FGF12: variants seen among roughly 807,000 people sequenced by gnomAD.
The protein encoded by FGF12 is fibroblast growth factor 12B.
A neutral mutation model predicts 23.6 loss-of-function variants in FGF12; 14 were observed. The ratio of observed to expected loss-of-function variants is 0.59; its 90% CI spans 0.39 to 0.93. The LOEUF is 0.93. FGF12 is among the 40% of genes least tolerant of loss of function. The probability of loss-of-function intolerance (pLI) is 0.00; values close to 1 mark genes in which losing one functional copy is unlikely to be tolerated. For missense variants in FGF12, 175 were observed against 217.8 expected, an observed-to-expected ratio of 0.80 and a Z score of 1.24; for synonymous variants, 62 against 77.3, an observed-to-expected ratio of 0.80 and a Z score of 1.04.
At chr3:192,170,031 T>C (rs1230795456) in intron 5 of FGF12, among the ~76,000 whole-genome samples, 1 of 139,892 alleles carries the variant, frequency 7.1e-6, no homozygotes, top group Non-Finnish European at 1.6e-5. Context: ...AGGAGGAAAC[T>C]GCATACTAGA....
In FGF12 at chr3:192,167,768, TAA is replaced by T. The variant is rs1216698985; in HGVS notation, c.427+2688_427+2689del. 2.5e-3 allele frequency among the ~76,000 whole-genome samples: 65 copies of T among 25,684 alleles called. 1 individual carries two copies. Among genetic ancestry groups the T allele is most frequent in the East Asian group, 6.1e-3 (6 of 988 alleles). The allele number at this position is 25,684 out of a possible 152,430, so 16.8% of individuals were successfully genotyped here. On this transcript the variant is annotated intron_variant, in intron 5 of 5. Coordinates refer to ENST00000445105, the MANE Select transcript of FGF12 (RefSeq NM_004113.6). ...ATATATATATATATATATATATATA[TAA>T]AATTTTTTTTTTTTTTTTTTTTTGA...
At chr3:192,298,684 TTGCAGTGAGCTATCG>T (rs1715175820) in intron 4 of FGF12, among the ~76,000 whole-genome samples, 1 of 152,042 alleles carries the variant, frequency 6.6e-6, no homozygotes, top group Non-Finnish European at 1.5e-5. Flanking sequence ...GAGGTGGAGG[TTGCAGTGAGCTATCG>T]TGCCACTGCA....
chr3:192,663,729 T>C (rs1560186457), intron 2 of FGF12, among the ~76,000 whole-genome samples: 1 of 152,066 alleles, frequency 6.6e-6, no homozygotes, highest in East Asian at 1.9e-4. Context: ...ATTTTCTCTC[T>C]CAGAACGGTT....
chr3:192,726,632 G>A (rs1719224550), intron 2 of FGF12, among the ~76,000 whole-genome samples: 1 of 152,080 alleles, frequency 6.6e-6, no homozygotes, highest in Admixed American at 6.5e-5. Flanking sequence ...CTTCTTAGAG[G>A]TCAGTTCTAA....
At chr3:192,205,778 C>A (rs929115773) in intron 4 of FGF12, among the ~76,000 whole-genome samples, 14 of 152,098 alleles carry the variant, frequency 9.2e-5, no homozygotes, top group Non-Finnish European at 1.6e-4. Flanking sequence ...ATAGAGGAGG[C>A]CTTGAAGTGG....
At chr3:192,474,238 TA>T (rs1400134760) in intron 2 of FGF12, among the ~76,000 whole-genome samples, 4 of 152,234 alleles carry the variant, frequency 2.6e-5, no homozygotes, top group South Asian at 2.1e-4. Context: ...ATTAAAACTT[TA>T]AAAATTAGTT....
At chr3:192,159,496 T>C (rs1339661450) in intron 5 of FGF12, among the ~76,000 whole-genome samples, 3 of 152,188 alleles carry the variant, frequency 2.0e-5, no homozygotes, top group Non-Finnish European at 4.4e-5. Context: ...ATTACATTCA[T>C]TTTCTTAGCA....
intron 2 of FGF12, among the ~76,000 whole-genome samples, chr3:192,633,341 C>T (rs958092107): frequency 6.6e-6 from 1 of 152,100 alleles, no homozygotes; most frequent in African/African-American, 2.4e-5. Context: ...CCCTCGCGCC[C>T]GGCCTCTCCT....
In FGF12 at chr3:192,305,679, A is replaced by AAAAATATATATATATAT. The variant is rs1423738741; in HGVS notation, c.228+29681_228+29682insATATATATATATATTTT. ...AAGGTGGCTTAGGAAAAAAAAAAAA[A>AAAAATATATATATATAT]ATATATATATATATATAAATATATA... is the stretch of plus-strand genomic sequence containing the variant. On this transcript the variant is annotated intron_variant, in intron 4 of 5. Coordinates refer to ENST00000445105, the MANE Select transcript of FGF12 (RefSeq NM_004113.6). 4.3e-3 allele frequency among the ~76,000 whole-genome samples: 566 copies of AAAAATATATATATATAT among 131,806 alleles called. 3 individuals carry two copies. The highest frequency in any genetic ancestry group is 7.8e-3 in the Non-Finnish European group (496 of 63,978). The allele number at this position is 131,806 out of a possible 152,430, so 86.5% of individuals were successfully genotyped here.
At chr3:192,713,266 T>G (rs1436038203) in intron 2 of FGF12, among the ~76,000 whole-genome samples, 1 of 152,144 alleles carries the variant, frequency 6.6e-6, no homozygotes, top group Non-Finnish European at 1.5e-5. Context: ...AGGGAGAGAC[T>G]TGAAAGCTAT....
chr3:192,264,102 TA>T (rs1712927945), intron 4 of FGF12, among the ~76,000 whole-genome samples: 1 of 152,088 alleles, frequency 6.6e-6, no homozygotes, highest in South Asian at 2.1e-4. Flanking sequence ...TCCCATCAAG[TA>T]AACTAATATC....
Position 192,629,360 on chromosome 3 carries a change from ATATT to A in FGF12, c.13+97817_13+97820del, listed in dbSNP as rs1715301552. ...CCTAATCACCACCATGACTGATCCT[ATATT>A]TATTTATGAAAACTTTTTCTCTAAA... On this transcript the variant is annotated intron_variant, in intron 2 of 5. Coordinates refer to ENST00000445105, the MANE Select transcript of FGF12 (RefSeq NM_004113.6). Among the ~76,000 whole-genome samples, 18 of 152,324 alleles carry A rather than the reference ATATT, an allele frequency of 1.2e-4. No homozygotes were observed. In the South Asian group the frequency reaches 3.7e-3, roughly 32 times the overall value.
At position 192,142,099 on chromosome 3, in the gene FGF12, T is replaced by C. The variant is rs1006642084; in HGVS notation, c.*1910A>G. On this transcript the variant is annotated 3_prime_UTR_variant, in exon 6 of 6. Transcript: ENST00000445105. ...ATGTCTTTATTTGTTACTTTCCAAATATTTTGGTTAAACAAATATCTCTTG... is the reference window on the plus strand; with the variant it reads ...ATGTCTTTATTTGTTACTTTCCAAACATTTTGGTTAAACAAATATCTCTTG... The C allele has an allele frequency of 6.6e-6, 1 of 152,522 alleles. No homozygotes were observed. The highest frequency in any genetic ancestry group is 1.5e-5 in the Non-Finnish European group (1 of 67,938). The allele number at this position is 152,522 out of a possible 1,614,324, so 9.4% of individuals were successfully genotyped here.
chr3:192,378,803 T>C (rs116773501), intron 2 of FGF12, among the ~76,000 whole-genome samples: 107 of 152,260 alleles, frequency 7.0e-4, no homozygotes, highest in Middle Eastern at 3.4e-3. Context: ...GCAGGTTTTT[T>C]ATACAGGTAA....
intron 2 of FGF12, among the ~76,000 whole-genome samples, chr3:192,369,605 G>A (rs185075951): frequency 2.0e-5 from 3 of 152,318 alleles, no homozygotes; most frequent in Admixed American, 1.3e-4. Context: ...TAGGGACAAG[G>A]TTTTTGTACT....
chr3:192,435,383 G>GCCTCTAAAA (rs1397334893), intron 2 of FGF12, among the ~76,000 whole-genome samples: 1 of 152,178 alleles, frequency 6.6e-6, no homozygotes, highest in African/African-American at 2.4e-5. Context: ...AAAAGAGACA[G>GCCTCTAAAA]GAGAGCTTAG....
chr3:192,307,600 C>G (rs992904570), intron 4 of FGF12, among the ~76,000 whole-genome samples: 4 of 152,118 alleles, frequency 2.6e-5, no homozygotes, highest in African/African-American at 9.7e-5. Context: ...ACAAACCAAA[C>G]AACAATAATA....
chr3:192,439,601 T>C (rs1445654043), intron 2 of FGF12, among the ~76,000 whole-genome samples: 1 of 152,102 alleles, frequency 6.6e-6, no homozygotes, highest in Non-Finnish European at 1.5e-5. Context: ...TACAATCTAG[T>C]GGTGGGAGAG....
chr3:192,304,279 C>T (rs953680188), intron 4 of FGF12, among the ~76,000 whole-genome samples: 51 of 152,270 alleles, frequency 3.3e-4, no homozygotes, highest in Middle Eastern at 3.4e-3. Flanking sequence ...GAGATTATTT[C>T]CAAGACATCT....
Sources: gnomAD v4.1 joint callset for allele counts (sites outside exome capture counted in the v4.1 genomes callset) on GRCh38, gnomAD v4.1.1 for gene constraint, MANE v1.5 for transcripts, NCBI Gene and HGNC (gene_info 2026-07-23, HGNC 2026-07-21) for gene names.